MAPKAP1: variants seen among roughly 807,000 people sequenced by gnomAD.
MAPKAP1 encodes MAPK associated protein 1.
MAPKAP1 carries 20 observed loss-of-function variants against 65.7 expected under a neutral mutation model. The ratio of observed to expected loss-of-function variants is 0.30; its 90% confidence interval spans 0.21 to 0.44. The LOEUF (loss-of-function observed/expected upper bound fraction) is 0.44. Among genes scored for constraint, MAPKAP1 ranks in the 20% least tolerant of loss-of-function variants. The probability of loss-of-function intolerance (pLI) is 1.00; values close to 1 mark genes in which losing one functional copy is unlikely to be tolerated. For synonymous variants in MAPKAP1, 222 were observed against 244.3 expected (o/e 0.91, Z 0.85); for missense variants, 423 against 648.0 (o/e 0.65, Z 3.77).
rs549163481 is a variant in MAPKAP1, at chr9:125,528,997, TCTAAAAATACAA to T, written c.958+14050_958+14061del. On this transcript the variant is annotated intron_variant, in intron 7 of 11. Transcript: ENST00000265960. ...CTGGCCAACATGGCGAAAACCCCTG[TCTAAAAATACAA>T]CTAAAAATACAAAAATTAGCCGGGC... Among the ~76,000 whole-genome samples the T allele has an allele frequency of 4.5e-3, 673 of 149,780 alleles. 4 individuals carry two copies. The highest frequency in any genetic ancestry group is 0.015 in the African/African-American group (631 of 40,796).
chr9:125,613,771 C>G (rs1832668144), intron 4 of MAPKAP1, among the ~76,000 whole-genome samples: 1 of 151,950 alleles, frequency 6.6e-6, no homozygotes, highest in Admixed American at 6.6e-5. Flanking sequence ...ATTACCCATA[C>G]TATTTAACCT....
chr9:125,579,114 C>T (rs1426325918), intron 5 of MAPKAP1, among the ~76,000 whole-genome samples: 3 of 152,080 alleles, frequency 2.0e-5, no homozygotes, highest in Admixed American at 6.6e-5. Context: ...TGTTTTCCCC[C>T]AAATCAGTGC....
intron 3 of MAPKAP1, among the ~76,000 whole-genome samples, chr9:125,665,420 T>C (rs539086941): frequency 6.6e-6 from 1 of 152,280 alleles, no homozygotes; most frequent in East Asian, 1.9e-4. Flanking sequence ...AAACCATAAC[T>C]TACCCTTAAG....
intron 4 of MAPKAP1, among the ~76,000 whole-genome samples, chr9:125,630,854 A>G (rs1369145324): frequency 1.3e-5 from 2 of 152,090 alleles, no homozygotes; most frequent in Admixed American, 6.5e-5. Flanking sequence ...TATTAAAAAG[A>G]GGTTGGGTTG....
chr9:125,666,582 C>A (rs972032113), intron 3 of MAPKAP1, among the ~76,000 whole-genome samples: 11 of 152,128 alleles, frequency 7.2e-5, no homozygotes, highest in African/African-American at 2.7e-4. Flanking sequence ...ACACTTGAAT[C>A]CAGAGTTTGA....
chr9:125,698,303 A>AT (rs1835476773), intron 1 of MAPKAP1, among the ~76,000 whole-genome samples: 1 of 21,464 alleles, frequency 4.7e-5, no homozygotes, highest in African/African-American at 1.8e-4. Flanking sequence ...ATATATATAT[A>AT]TATATATATA....
chr9:125,527,296 G>A (rs1829800827), intron 7 of MAPKAP1, among the ~76,000 whole-genome samples: 1 of 152,124 alleles, frequency 6.6e-6, no homozygotes, highest in Admixed American at 6.5e-5. Context: ...TTGAACTCCT[G>A]ACCTCCTGAT....
intron 2 of MAPKAP1, among the ~76,000 whole-genome samples, chr9:125,671,876 C>G (rs977011053): frequency 2.0e-5 from 3 of 152,140 alleles, no homozygotes; most frequent in Non-Finnish European, 4.4e-5. Flanking sequence ...CCCACTCCCC[C>G]ACAATTCCTC....
intron 1 of MAPKAP1, among the ~76,000 whole-genome samples, chr9:125,702,029 CA>C (rs1259181320): frequency 2.6e-5 from 4 of 152,214 alleles, no homozygotes; most frequent in African/African-American, 9.7e-5. Flanking sequence ...CACAATCAGG[CA>C]GCCTAGAATT....
At chr9:125,631,220 A>G (rs1833270585) in intron 4 of MAPKAP1, among the ~76,000 whole-genome samples, 1 of 152,148 alleles carries the variant, frequency 6.6e-6, no homozygotes. Context: ...GGCCCTCACC[A>G]GGTGCAGATG....
intron 4 of MAPKAP1, among the ~76,000 whole-genome samples, chr9:125,612,464 T>G (rs369074642): frequency 1.3e-3 from 203 of 152,130 alleles, no homozygotes; most frequent in Middle Eastern, 0.01. Context: ...GCATGTGGAG[T>G]AAGATTGGAA....
chr9:125,579,757 C>T (rs1831560923), intron 5 of MAPKAP1, among the ~76,000 whole-genome samples: 1 of 152,156 alleles, frequency 6.6e-6, no homozygotes, highest in African/African-American at 2.4e-5. Context: ...TAAGTACAAA[C>T]ACACTAGAAA....
chr9:125,505,166 T>C (rs565159273), intron 8 of MAPKAP1, among the ~76,000 whole-genome samples: 5 of 152,168 alleles, frequency 3.3e-5, no homozygotes, highest in Admixed American at 2.0e-4. Flanking sequence ...GCGCGGTGGC[T>C]CACGCCTGTA....
intron 5 of MAPKAP1, among the ~76,000 whole-genome samples, chr9:125,581,366 T>G (rs1422130101): frequency 6.6e-6 from 1 of 152,262 alleles, no homozygotes; most frequent in Non-Finnish European, 1.5e-5. Context: ...CAGCAATTGG[T>G]GTCATCACTA....
At chr9:125,598,780 C>T (rs1264152803) in intron 4 of MAPKAP1, among the ~76,000 whole-genome samples, 1 of 152,080 alleles carries the variant, frequency 6.6e-6, no homozygotes, top group Non-Finnish European at 1.5e-5. Flanking sequence ...TAGCTCACAC[C>T]TGTAATCCCA....
chr9:125,689,529 C>T (rs367821417), intron 1 of MAPKAP1, among the ~76,000 whole-genome samples: 61 of 149,380 alleles, frequency 4.1e-4, no homozygotes, highest in African/African-American at 1.4e-3. Context: ...GGCAGGTCAC[C>T]TGAGGTCAGG....
At chr9:125,687,124 CTT>C (rs528933268) in intron 1 of MAPKAP1, among the ~76,000 whole-genome samples, 91 of 133,206 alleles carry the variant, frequency 6.8e-4, no homozygotes, top group African/African-American at 6.8e-4. Flanking sequence ...CCATGCCCAT[CTT>C]TTTTTTTTTT....
chr9:125,497,624 T>A (rs1828846239), intron 8 of MAPKAP1, among the ~76,000 whole-genome samples: 1 of 152,248 alleles, frequency 6.6e-6, no homozygotes, highest in Non-Finnish European at 1.5e-5. Context: ...CACCTCCATT[T>A]ACACATGAAA....
At chr9:125,634,701 G>A (rs1833375648) in intron 4 of MAPKAP1, among the ~76,000 whole-genome samples, 1 of 152,188 alleles carries the variant, frequency 6.6e-6, no homozygotes, top group African/African-American at 2.4e-5. Flanking sequence ...ATATGATCCA[G>A]ACAATGCTTG....
Sources: allele counts gnomAD v4.1 joint callset (sites outside exome capture counted in the v4.1 genomes callset), GRCh38; gene constraint gnomAD v4.1.1; transcripts MANE v1.5; gene names NCBI Gene and HGNC (gene_info 2026-07-23, HGNC 2026-07-21).